MMP8: variants seen among roughly 807,000 people sequenced by gnomAD.
MMP8 encodes the protein matrix metallopeptidase 8.
Under a neutral mutation model 51.2 loss-of-function variants are expected in MMP8, and 67 were observed. The observed-to-expected ratio is 1.31, with a 90% CI of 1.08 to 1.60. MMP8 has a LOEUF of 1.60. MMP8 is among the 40% of genes most tolerant of loss of function. The probability of loss-of-function intolerance (pLI) is 0.00; values close to 1 mark genes in which losing one functional copy is unlikely to be tolerated. For missense variants in MMP8, 654 were observed against 558.1 expected (o/e 1.17, Z -1.73); for synonymous variants, 225 against 191.0 (o/e 1.18, Z -1.47).
At chr11:102,718,380 A>G in intron 5 of MMP8, 34 bp downstream of exon 5, 1 of 1,588,948 alleles carries the variant, frequency 6.3e-7, no homozygotes, top group Non-Finnish European at 8.6e-7. Context: ...CCCAGGTCCT[A>G]CCATGTACTA....
In MMP8 at chr11:102,713,267, G is replaced by T; in HGVS notation, c.*81C>A. ...TGACTTAATATTGAGAAAAGTATAA[G>T]CAGGACACAATGTAACGAAAATGCT... On this transcript the variant is annotated 3_prime_UTR_variant, in exon 10 of 10. Coordinates refer to ENST00000236826, the MANE Select transcript of MMP8 (RefSeq NM_002424.3). 1 of 899,510 alleles carries T rather than the reference G, an allele frequency of 1.1e-6. No individual in the cohort carries two copies. Among genetic ancestry groups the T allele is most frequent in the Non-Finnish European group, 1.9e-6 (1 of 537,988 alleles). 55.7% of individuals were successfully genotyped at this position (899,510 alleles called of 1,614,324 possible).
At chr11:102,718,988 A>T (rs957440443) in intron 4 of MMP8, among the ~76,000 whole-genome samples, 1 of 152,144 alleles carries the variant, frequency 6.6e-6, no homozygotes, top group African/African-American at 2.4e-5. Context: ...GCAAGTAGTT[A>T]GAAGAGAAGC....
intron 6 of MMP8, among the ~76,000 whole-genome samples, chr11:102,716,036 C>T (rs549938141): frequency 6.6e-6 from 1 of 151,772 alleles, no homozygotes; most frequent in African/African-American, 2.4e-5. Flanking sequence ...TCCTGGATGT[C>T]TTGAGTTACC....
intron 5 of MMP8, 39 bp from the exon 6 acceptor site, chr11:102,716,458 A>G (rs773692957): frequency 1.7e-5 from 21 of 1,248,978 alleles, no homozygotes; most frequent in African/African-American, 4.9e-5. Context: ...GGTCTTTCTT[A>G]TGAGAGTAAG....
rs948600645 is a variant in MMP8 at position 102,713,429 on chromosome 11, T to C, written c.1323A>G (p.Arg441=). The C allele has an allele frequency of 2.5e-6, 4 of 1,613,286 alleles. No homozygotes were observed. The highest frequency in any genetic ancestry group is 2.7e-5 in the African/African-American group (2 of 74,894). The change falls in exon 10 of 10, where the codon AGA becomes AGG. Residue 441 remains arginine, a synonymous_variant. Coordinates refer to ENST00000236826, the MANE Select transcript of MMP8 (RefSeq NM_002424.3). ...EHFFHVFSGP[R]YYAFDLIAQR... is the part of the protein sequence containing the mutation. ...GAGCAATAAGATCAAATGCGTAATA[T>C]CTTGGTCCACTGAAGACATGGAAGA...
At position 102,713,855 on chromosome 11, in the gene MMP8, T is replaced by C. The variant is rs1465774622; in HGVS notation, c.1193A>G (p.Tyr398Cys). Residue 398 changes from tyrosine to cysteine, a missense_variant and splice_region_variant, in exon 9 of 10, where the codon TAT (tyrosine) becomes TGT (cysteine). By Grantham distance (194) the Tyr-to-Cys change is radical (BLOSUM62 -2). Coordinates refer to ENST00000236826, the MANE Select transcript of MMP8 (RefSeq NM_002424.3). ...CTCCATGAATTGTCTTTGGTTATCATATCTGGTAAAAACAAAATGTTATCC... is the reference window on the plus strand; with the variant it reads ...CTCCATGAATTGTCTTTGGTTATCACATCTGGTAAAAACAAAATGTTATCC... ...YFFVNDQFWR[Y>C]DNQRQFMEPG... The C allele has an allele frequency of 5.6e-6, 9 of 1,603,566 alleles. No homozygotes were observed. In the East Asian group the frequency reaches 1.3e-4, roughly 24 times the overall value.
chr11:102,714,643 T>C lies in MMP8; in HGVS notation c.1103A>G (p.Tyr368Cys), dbSNP rs780825048. 1.9e-6 allele frequency: 3 copies of C among 1,556,064 alleles called. No individual in the cohort carries two copies. Among genetic ancestry groups the C allele is most frequent in the Non-Finnish European group, 2.6e-6 (3 of 1,154,428 alleles). Residue 368 changes from tyrosine to cysteine, a missense_variant, in exon 8 of 10, where the codon TAT (tyrosine) becomes TGT (cysteine). Transcript: ENST00000236826. ...TGCTTGGACGCTGCTGGGGAAGCCA[T>C]AGTTTGATATATCCTTGGGATAACC... is the stretch of plus-strand genomic sequence containing the variant. ...LQGYPKDISN[Y>C]GFPSSVQAID...
At chr11:102,724,716 C>A in intron 1 of MMP8, 38 bp downstream of exon 1, 2 of 1,516,748 alleles carry the variant, frequency 1.3e-6, no homozygotes, top group South Asian at 1.3e-5. Flanking sequence ...TCCTAATAAT[C>A]AGCAAATCAA....
intron 6 of MMP8, 64 bp from the exon 7 acceptor site, chr11:102,715,501 G>A (rs1861266102): frequency 6.5e-7 from 1 of 1,547,060 alleles, no homozygotes; most frequent in Non-Finnish European, 8.7e-7. Context: ...GGCAGTTCCT[G>A]TGACTTTTAG....
rs1861151285 is a variant in MMP8 at position 102,712,418 on chromosome 11, C to T, written c.*930G>A. ...GTCTAGTACCTCATGTCTAGGGTTG[C>T]TGTAACAAAGTATTGCAAAGTTGGT... On this transcript the variant is annotated 3_prime_UTR_variant, in exon 10 of 10. Transcript: ENST00000236826. The T allele has an allele frequency of 6.6e-6, 1 of 152,140 alleles. No individual in the cohort carries two copies. Among genetic ancestry groups the T allele is most frequent in the African/African-American group, 2.4e-5 (1 of 41,426 alleles). 9.4% of individuals were successfully genotyped at this position (152,140 alleles called of 1,614,324 possible).
chr11:102,716,923 G>A (rs1861315810), intron 5 of MMP8, among the ~76,000 whole-genome samples: 1 of 152,164 alleles, frequency 6.6e-6, no homozygotes, highest in Admixed American at 6.5e-5. Context: ...TAATAGTTAA[G>A]ATAAAAACAT....
At chr11:102,719,685 T>C (rs780410270) in intron 4 of MMP8, among the ~76,000 whole-genome samples, 1 of 152,252 alleles carries the variant, frequency 6.6e-6, no homozygotes, top group Non-Finnish European at 1.5e-5. Context: ...TATCATCACA[T>C]CCTTTTAATT....
rs746462867 is a variant in MMP8 at position 102,718,580 on chromosome 11, A to C, written c.623-5T>G. On this transcript the variant is annotated splice_region_variant and splice_polypyrimidine_tract_variant and intron_variant, in intron 4 of 9. Transcript: ENST00000236826. The stretch of plus-strand genomic sequence containing the variant: ...CAACAAGAAACAAGTTGTAATCTGA[A>C]ATGCAAACACGGGTGGTAAACAGCT... 1 of 1,613,822 alleles carries C rather than the reference A, an allele frequency of 6.2e-7. No homozygotes were observed. Among genetic ancestry groups the C allele is most frequent in the South Asian group, 1.1e-5 (1 of 91,076 alleles).
intron 7 of MMP8, 102 bp downstream of exon 7, chr11:102,715,202 A>C: frequency 7.1e-7 from 1 of 1,408,060 alleles, no homozygotes; most frequent in East Asian, 2.3e-5. Context: ...GGCCAGCTTA[A>C]TGCTGTCATT....
chr11:102,716,231 A>T, intron 6 of MMP8, 71 bp downstream of exon 6: 1 of 1,109,132 alleles, frequency 9.0e-7, no homozygotes, highest in Non-Finnish European at 1.3e-6. Context: ...CTAACGTGTG[A>T]CTTAATTTGA....
rs371834627 is a variant in MMP8 at position 102,713,754 on chromosome 11, G to A, written c.1294C>T (p.His432Tyr). The A allele has an allele frequency of 3.8e-5, 60 of 1,593,406 alleles. 1 individual carries two copies. The Admixed American group carries it at 4.1e-4, about 11-fold the overall frequency. The change falls in exon 9 of 10, where the codon CAT (histidine) becomes TAT (tyrosine). Residue 432 changes from histidine (H) to tyrosine (Y), a missense_variant and splice_region_variant. Coordinates refer to ENST00000236826, the MANE Select transcript of MMP8 (RefSeq NM_002424.3). ...TATTAGGTTTTTTTTTCCTACTTAC[G>A]TTCTTGCTGGAAAACTGCATCAACT... The part of the protein sequence containing the change: ...SKVDAVFQQE[H>Y]FFHVFSGPRY...
intron 4 of MMP8, 111 bp downstream of exon 4, chr11:102,721,290 G>T (rs1392078931): frequency 2.6e-5 from 38 of 1,445,494 alleles, no homozygotes; most frequent in Admixed American, 4.7e-5. Flanking sequence ...ATCACTTTTT[G>T]TGAGTTTGAA....
intron 1 of MMP8, among the ~76,000 whole-genome samples, chr11:102,724,407 C>T (rs1293879729): frequency 6.6e-6 from 1 of 152,134 alleles, no homozygotes; most frequent in Non-Finnish European, 1.5e-5. Flanking sequence ...CATATAGTAA[C>T]TTGATTGCAG....
intron 4 of MMP8, among the ~76,000 whole-genome samples, chr11:102,718,787 C>T (rs1385713859): frequency 6.6e-6 from 1 of 152,166 alleles, no homozygotes; most frequent in Non-Finnish European, 1.5e-5. Context: ...TGAGTATGAA[C>T]TTCTTATAAA....
Sources: gnomAD v4.1 joint callset for allele counts (sites outside exome capture counted in the v4.1 genomes callset) on GRCh38, gnomAD v4.1.1 for gene constraint, MANE v1.5 for transcripts, NCBI Gene and HGNC (gene_info 2026-07-23, HGNC 2026-07-21) for gene names.